SAMD4A: variants seen among roughly 807,000 people sequenced by gnomAD.
The protein encoded by SAMD4A is protein Smaug homolog 1.
SAMD4A carries 33 observed loss-of-function variants against 81.3 expected under a neutral mutation model. That is an observed-to-expected ratio of 0.41 (90% CI 0.31 to 0.54). The LOEUF is 0.54. SAMD4A is among the 20% of genes least tolerant of loss of function. SAMD4A has a pLI of 0.37. For synonymous variants in SAMD4A, 389 were observed against 382.1 expected, an observed-to-expected ratio of 1.02 and a Z score of -0.21; for missense variants, 854 against 951.1, an observed-to-expected ratio of 0.90 and a Z score of 1.34.
At chr14:54,663,871 T>C (rs79608467) in intron 2 of SAMD4A, among the ~76,000 whole-genome samples, 2,665 of 152,264 alleles carry the variant, frequency 0.018, 69 homozygotes, top group African/African-American at 0.061. Flanking sequence ...CAGTGAGCCA[T>C]CCCACCCATC....
At chr14:54,781,867 T>C (rs556719061) in intron 11 of SAMD4A, among the ~76,000 whole-genome samples, 2 of 152,180 alleles carry the variant, frequency 1.3e-5, no homozygotes, top group Non-Finnish European at 2.9e-5. Context: ...GTCTTATACG[T>C]GCGGCGAGAT....
intron 2 of SAMD4A, among the ~76,000 whole-genome samples, chr14:54,599,051 C>T (rs942590619): frequency 7.9e-5 from 12 of 152,144 alleles, no homozygotes; most frequent in Non-Finnish European, 1.2e-4. Flanking sequence ...AACTCCTGGG[C>T]TCAAGCGATC....
chr14:54,668,186 C>G (rs903205855), intron 2 of SAMD4A, among the ~76,000 whole-genome samples: 2 of 152,186 alleles, frequency 1.3e-5, no homozygotes, highest in East Asian at 3.8e-4. Context: ...TGGCCTAGTT[C>G]CTACATACAA....
chr14:54,586,313 G>T (rs930075481), intron 2 of SAMD4A, among the ~76,000 whole-genome samples: 4 of 152,168 alleles, frequency 2.6e-5, no homozygotes, highest in African/African-American at 9.7e-5. Flanking sequence ...ATTCTTTATA[G>T]ATTCTGCAAA....
chr14:54,635,847 A>G (rs1486604011), intron 2 of SAMD4A, among the ~76,000 whole-genome samples: 2 of 152,190 alleles, frequency 1.3e-5, no homozygotes, highest in African/African-American at 2.4e-5. Flanking sequence ...CTATTTTTGC[A>G]TACCACAGCC....
At chr14:54,642,562 CAATG>C (rs1370878579) in intron 2 of SAMD4A, among the ~76,000 whole-genome samples, 1 of 152,214 alleles carries the variant, frequency 6.6e-6, no homozygotes, top group Non-Finnish European at 1.5e-5. Context: ...GTTTGGATAG[CAATG>C]GGCACTGAGT....
intron 12 of SAMD4A, among the ~76,000 whole-genome samples, chr14:54,785,634 G>A (rs1202397987): frequency 2.0e-5 from 3 of 152,214 alleles, no homozygotes; most frequent in African/African-American, 4.8e-5. Flanking sequence ...CAAGACGTGC[G>A]CCACCTGGCA....
chr14:54,626,907 TTAAA>T (rs1233576957), intron 2 of SAMD4A, among the ~76,000 whole-genome samples: 4 of 152,190 alleles, frequency 2.6e-5, no homozygotes, highest in African/African-American at 9.7e-5. Flanking sequence ...TTCAGGGAAG[TTAAA>T]TAGTTTGTCC....
At chr14:54,755,362 C>T (rs1487445764) in intron 6 of SAMD4A, among the ~76,000 whole-genome samples, 2 of 152,080 alleles carry the variant, frequency 1.3e-5, no homozygotes, top group African/African-American at 4.8e-5. Flanking sequence ...GTCTAGAGTC[C>T]AGGAGCCCCA....
chr14:54,643,911 C>G (rs191401480), intron 2 of SAMD4A, among the ~76,000 whole-genome samples: 1 of 152,178 alleles, frequency 6.6e-6, no homozygotes, highest in Admixed American at 6.5e-5. Flanking sequence ...AAGAGGGGCT[C>G]TAATGTAGGG....
intron 2 of SAMD4A, among the ~76,000 whole-genome samples, chr14:54,632,619 T>C (rs969030340): frequency 2.0e-5 from 3 of 152,210 alleles, no homozygotes; most frequent in Non-Finnish European, 4.4e-5. Context: ...GATCAGCCCA[T>C]ACCAGTATGT....
intron 2 of SAMD4A, among the ~76,000 whole-genome samples, chr14:54,660,887 A>T (rs1325368280): frequency 6.6e-6 from 1 of 152,210 alleles, no homozygotes; most frequent in African/African-American, 2.4e-5. Flanking sequence ...TTAACATCTG[A>T]ATTTCTGTGT....
chr14:54,736,888 T>G, intron 3 of SAMD4A, 136 bp from the exon 4 acceptor site: 2 of 1,018,108 alleles, frequency 2.0e-6, no homozygotes, highest in Non-Finnish European at 2.9e-6. Flanking sequence ...CAGGCCTGTA[T>G]TCAACCTGCT....
chr14:54,736,885 G>A (rs1465266574), intron 3 of SAMD4A, 139 bp from the exon 4 acceptor site: 27 of 972,474 alleles, frequency 2.8e-5, no homozygotes, highest in Admixed American at 4.7e-5. Flanking sequence ...TGCCAGGCCT[G>A]TATTCAACCT....
At chr14:54,775,494 C>G (rs1474381614) in intron 10 of SAMD4A, among the ~76,000 whole-genome samples, 1 of 152,158 alleles carries the variant, frequency 6.6e-6, no homozygotes, top group Non-Finnish European at 1.5e-5. Flanking sequence ...CCTTTTTATC[C>G]ATGGCAAAAA....
intron 2 of SAMD4A, among the ~76,000 whole-genome samples, chr14:54,602,323 T>TACACACACACACAC (rs3049830): frequency 2.2e-5 from 3 of 136,558 alleles, no homozygotes; most frequent in Non-Finnish European, 3.2e-5. Flanking sequence ...TGCTTTAAAA[T>TACACACACACACAC]ACACACACAC....
chr14:54,690,136 A>G (rs2036394201), intron 2 of SAMD4A: 1 of 152,106 alleles, frequency 6.6e-6, no homozygotes, highest in Non-Finnish European at 1.5e-5. Context: ...GACTGTCCCC[A>G]CCCACAAGGA....
chr14:54,781,097 A>C lies in SAMD4A; in HGVS notation c.2045-3440A>C, dbSNP rs1443793552. On this transcript the variant is annotated intron_variant, in intron 11 of 12. Coordinates refer to ENST00000554335, the MANE Select transcript of SAMD4A (RefSeq NM_015589.6). ...TCCTAGCAACCCTGCTGCTCAGTGA[A>C]CCAGACTCCACACCTTTCTAGTTAT... 2.0e-5 allele frequency among the ~76,000 whole-genome samples: 3 copies of C among 152,180 alleles called. No homozygotes were observed. The East Asian group carries it at 5.8e-4, about 29-fold the overall frequency.
At chr14:54,764,861 G>A (rs993896103) in intron 8 of SAMD4A, among the ~76,000 whole-genome samples, 3 of 152,206 alleles carry the variant, frequency 2.0e-5, no homozygotes, top group African/African-American at 7.2e-5. Flanking sequence ...TTAGCCCTGG[G>A]CATTGTCAGG....
Sources: gnomAD v4.1 joint callset for allele counts (sites outside exome capture counted in the v4.1 genomes callset) on GRCh38, gnomAD v4.1.1 for gene constraint, MANE v1.5 for transcripts, NCBI Gene and HGNC (gene_info 2026-07-23, HGNC 2026-07-21) for gene names.